The following NUDT5 variants were observed in gnomAD, a reference collection of about 807,000 sequenced individuals.
NUDT5 encodes the protein nudix hydrolase 5.
NUDT5 carries 21 observed loss-of-function variants against 34.1 expected under a neutral mutation model. That is an observed-to-expected ratio of 0.62 (90% confidence interval 0.44 to 0.89). The LOEUF (loss-of-function observed/expected upper bound fraction) is 0.89, where lower values mean the gene tolerates loss of function less well. Ranked by LOEUF, NUDT5 falls within the 40% of genes least tolerant of loss-of-function variation. NUDT5 has a pLI of 0.00. For missense variants in NUDT5, 249 were observed against 274.8 expected (o/e 0.91, Z 0.66); for synonymous variants, 85 against 97.6 (o/e 0.87, Z 0.76).
chr10:12,177,961 T>G (rs1588658056), intron 4 of NUDT5, 61 bp from the exon 5 acceptor site: 4 of 1,255,090 alleles, frequency 3.2e-6, no homozygotes, highest in South Asian at 2.4e-5. Flanking sequence ...GCCAGCACAT[T>G]GTTTAGAGCA....
In NUDT5 at chr10:12,172,883, C is replaced by G; in HGVS notation, c.386-17G>C. 2 of 1,548,498 alleles carry G rather than the reference C, an allele frequency of 1.3e-6. No homozygotes were observed. The highest frequency in any genetic ancestry group is 1.8e-6 in the Non-Finnish European group (2 of 1,120,802). On this transcript the variant is annotated splice_polypyrimidine_tract_variant and intron_variant, in intron 6 of 9. Transcript: ENST00000491614. ...TACAGACCGCTGTGGAGAGAAGGGACAGTCAGATGCGTCAGTCCCTTTGGC... is the reference window on the plus strand; with the variant it reads ...TACAGACCGCTGTGGAGAGAAGGGAGAGTCAGATGCGTCAGTCCCTTTGGC...
In NUDT5 at chr10:12,181,662, AG is replaced by A. The variant is rs1279739298; in HGVS notation, c.132-2531del. On this transcript the variant is annotated intron_variant, in intron 3 of 9. Coordinates refer to ENST00000491614, the MANE Select transcript of NUDT5 (RefSeq NM_014142.4). The surrounding 1 kb of genome is among the most constrained non-coding windows in gnomAD (Gnocchi z 5.0). The stretch of plus-strand genomic sequence containing the variant: ...TGACCCTCTGTGGGAGTACCTGCAG[AG>A]GGAAGTCGCCGTGTGCGTGCAAAGG... 1.3e-4 allele frequency among the ~76,000 whole-genome samples: 20 copies of A among 151,946 alleles called. No individual in the cohort carries two copies. The highest frequency in any genetic ancestry group is 2.9e-4 in the Non-Finnish European group (20 of 67,984).
intron 5 of NUDT5, among the ~76,000 whole-genome samples, chr10:12,176,212 TAAAA>T (rs564517126): frequency 1.4e-5 from 2 of 146,472 alleles, no homozygotes; most frequent in Non-Finnish European, 3.0e-5. Flanking sequence ...AATAAAAAAA[TAAAA>T]AAAAAGGTAA....
rs887260886 is a variant in NUDT5 at position 12,166,382 on chromosome 10, A to G, written c.*1320T>C. 6.3e-6 allele frequency: 1 copy of G among 158,748 alleles called. No individual in the cohort carries two copies. Among genetic ancestry groups the G allele is most frequent in the Non-Finnish European group, 1.4e-5 (1 of 71,720 alleles). The allele number at this position is 158,748 out of a possible 1,614,324, so 9.8% of individuals were successfully genotyped here. A position where few individuals can be genotyped will look rare whatever the true frequency, so the allele number is the denominator to read the frequency against. ...GTTAGAGGCATAGGGGAAGGCTACC[A>G]TTACAGGAAGTAGTTGGATCTTAAT... is the stretch of plus-strand genomic sequence containing the variant. On this transcript the variant is annotated 3_prime_UTR_variant, in exon 10 of 10. Transcript: ENST00000491614.
At chr10:12,179,507 C>T (rs1399058824) in intron 3 of NUDT5, among the ~76,000 whole-genome samples, 4 of 152,216 alleles carry the variant, frequency 2.6e-5, no homozygotes, top group Non-Finnish European at 4.4e-5. Flanking sequence ...TAGGAAAAGA[C>T]TCACCCCGTC....
Position 12,172,809 on chromosome 10 carries a change from A to G in NUDT5, c.443T>C (p.Ile148Thr). Reference sequence around the variant, plus strand: ...TGCGTTTTCGGCATCATCTCCGTTAATGGTGACTGTCACGATGTGTATAGT... The same window carrying G: ...TGCGTTTTCGGCATCATCTCCGTTAGTGGTGACTGTCACGATGTGTATAGT... ...NCTIHIVTVT[I>T]NGDDAENARP... The change falls in exon 7 of 10, where the codon ATT (isoleucine) becomes ACT (threonine). Residue 148 changes from isoleucine (I) to threonine (T), a missense_variant. Ile to Thr is a moderately conservative substitution (Grantham distance 89). Coordinates refer to ENST00000491614, the MANE Select transcript of NUDT5 (RefSeq NM_014142.4). The G allele has an allele frequency of 6.2e-7, 1 of 1,614,234 alleles. No homozygotes were observed. The highest frequency in any genetic ancestry group is 8.5e-7 in the Non-Finnish European group (1 of 1,180,042).
intron 7 of NUDT5, 108 bp downstream of exon 7, chr10:12,172,657 C>G: frequency 1.4e-6 from 1 of 712,552 alleles, no homozygotes; most frequent in South Asian, 1.7e-5. Context: ...TTTGAAAGAC[C>G]GATTCTTTCC....
At chr10:12,167,850 A>G (rs781672040) in intron 9 of NUDT5, 39 bp from the exon 10 acceptor site, 2 of 1,610,276 alleles carry the variant, frequency 1.2e-6, no homozygotes, top group Non-Finnish European at 1.7e-6. Flanking sequence ...TCATGCCGTT[A>G]AGGAAGGACA....
intron 2 of NUDT5, 86 bp from the exon 3 acceptor site, chr10:12,185,042 TC>T: frequency 1.4e-6 from 1 of 732,916 alleles, no homozygotes; most frequent in Non-Finnish European, 2.4e-6. Flanking sequence ...ATTTCCTCTG[TC>T]TTTCCCCAGA....
chr10:12,182,525 G>T lies in NUDT5; in HGVS notation c.131+2364C>A, dbSNP rs1008656273. 6.6e-6 allele frequency among the ~76,000 whole-genome samples: 1 copy of T among 152,114 alleles called. No homozygotes were observed. The highest frequency in any genetic ancestry group is 2.4e-5 in the African/African-American group (1 of 41,410). On this transcript the variant is annotated intron_variant, in intron 3 of 9. Transcript: ENST00000491614. This position sits in a 1 kb window ranked among gnomAD's most constrained non-coding sequence, Gnocchi z 4.3. ...GGCCAGGAAAAAAACCCTATGTATG[G>T]AAGAATGGACATGACCATGCTATAA... is the stretch of plus-strand genomic sequence containing the variant.
In NUDT5 at chr10:12,187,715, C is replaced by T. The variant is rs1037757367; in HGVS notation, c.-41-1383G>A. On this transcript the variant is annotated intron_variant, in intron 1 of 9. Transcript: ENST00000491614. The surrounding 1 kb of genome is among the most constrained non-coding windows in gnomAD (Gnocchi z 5.4). ...TCCTCTGGAAGCTTGTAGTTAGTCA[C>T]TTTCATGTCGATGTTATTGTACTGG... is the stretch of plus-strand genomic sequence containing the variant. 2.0e-5 allele frequency among the ~76,000 whole-genome samples: 3 copies of T among 152,148 alleles called. No homozygotes were observed. Among genetic ancestry groups the T allele is most frequent in the Non-Finnish European group, 4.4e-5 (3 of 68,022 alleles).
chr10:12,190,606 CTT>C lies in NUDT5; in HGVS notation c.-41-4276_-41-4275del, dbSNP rs1013405393. On this transcript the variant is annotated intron_variant, in intron 1 of 9. Coordinates refer to ENST00000491614, the MANE Select transcript of NUDT5 (RefSeq NM_014142.4). ...GAGGCAGTGAGGAAAATGATAAAGC[CTT>C]TTTTTTTTTTTTTTTTTTGAGACTG... Among the ~76,000 whole-genome samples, 331 of 127,910 alleles carry C rather than the reference CTT, an allele frequency of 2.6e-3. 1 individual carries two copies. Among genetic ancestry groups the C allele is most frequent in the African/African-American group, 8.3e-3 (275 of 33,148 alleles). The allele number at this position is 127,910 out of a possible 152,430, so 83.9% of individuals were successfully genotyped here.
In NUDT5 at chr10:12,173,656, A is replaced by AT; in HGVS notation, c.385+61dup. The stretch of plus-strand genomic sequence containing the variant: ...AATTCTGAGCGTAAAGAACACCCAA[A>AT]TAATCAATCCCTTCCCAGACGGAGG... On this transcript the variant is annotated intron_variant, in intron 6 of 9. Coordinates refer to ENST00000491614, the MANE Select transcript of NUDT5 (RefSeq NM_014142.4). This position sits in a 1 kb window ranked among gnomAD's most constrained non-coding sequence, Gnocchi z 4.7. The AT allele has an allele frequency of 8.0e-7, 1 of 1,255,556 alleles. No homozygotes were observed. The allele number at this position is 1,255,556 out of a possible 1,614,324, so 77.8% of individuals were successfully genotyped here.
chr10:12,193,088 T>C (rs1402058712), intron 1 of NUDT5, among the ~76,000 whole-genome samples: 1 of 151,986 alleles, frequency 6.6e-6, no homozygotes, highest in African/African-American at 2.4e-5. Context: ...TGAGCAAGAG[T>C]GAACTGACTG....
chr10:12,183,510 A>T (rs1185319151), intron 3 of NUDT5, among the ~76,000 whole-genome samples: 3 of 152,216 alleles, frequency 2.0e-5, no homozygotes, highest in African/African-American at 7.2e-5. Flanking sequence ...TTTCATCACA[A>T]AGAAATCATG....
At position 12,171,835 on chromosome 10, in the gene NUDT5, G is replaced by C. The variant is rs1011939029; in HGVS notation, c.488-927C>G. On this transcript the variant is annotated intron_variant, in intron 7 of 9. Coordinates refer to ENST00000491614, the MANE Select transcript of NUDT5 (RefSeq NM_014142.4). This position sits in a 1 kb window ranked among gnomAD's most constrained non-coding sequence, Gnocchi z 4.2. ...CGCCTCCTGGGTTCAAGTGATTCTTGTGTCTCAGCTTCCCGAGTAGCTGGG... is the reference window on the plus strand; with the variant it reads ...CGCCTCCTGGGTTCAAGTGATTCTTCTGTCTCAGCTTCCCGAGTAGCTGGG... Among the ~76,000 whole-genome samples the C allele has an allele frequency of 5.9e-5, 9 of 151,534 alleles. No individual in the cohort carries two copies. Among genetic ancestry groups the C allele is most frequent in the Non-Finnish European group, 1.3e-4 (9 of 67,930 alleles).
Position 12,173,018 on chromosome 10 carries a change from G to C in NUDT5, c.386-152C>G, listed in dbSNP as rs1588655436. 3.2e-6 allele frequency: 2 copies of C among 621,268 alleles called. No homozygotes were observed. The highest frequency in any genetic ancestry group is 5.5e-5 in the East Asian group (2 of 36,054). The allele number at this position is 621,268 out of a possible 1,614,324, so 38.5% of individuals were successfully genotyped here. On this transcript the variant is annotated intron_variant, in intron 6 of 9. Coordinates refer to ENST00000491614, the MANE Select transcript of NUDT5 (RefSeq NM_014142.4). The surrounding 1 kb of genome is among the most constrained non-coding windows in gnomAD (Gnocchi z 4.7). ...CATTTGGTAGGCAGATCTGCAGGCTGCAAAGCATCTGGGCACTCACACTCT... is the reference window on the plus strand; with the variant it reads ...CATTTGGTAGGCAGATCTGCAGGCTCCAAAGCATCTGGGCACTCACACTCT...
chr10:12,185,078 C>T, intron 2 of NUDT5, 122 bp from the exon 3 acceptor site: 1 of 581,322 alleles, frequency 1.7e-6, no homozygotes, highest in Non-Finnish European at 3.1e-6. Flanking sequence ...CTTTCCTTCC[C>T]AATAATCTGT....
At chr10:12,193,108 T>A (rs1835264136) in intron 1 of NUDT5, among the ~76,000 whole-genome samples, 1 of 152,178 alleles carries the variant, frequency 6.6e-6, no homozygotes, top group Non-Finnish European at 1.5e-5. Flanking sequence ...GTAATGACCC[T>A]TGGGAAGGTG....
Sources: allele counts gnomAD v4.1 joint callset (sites outside exome capture counted in the v4.1 genomes callset), GRCh38; gene constraint gnomAD v4.1.1; non-coding constraint Gnocchi (gnomAD v3.1); transcripts MANE v1.5; gene names NCBI Gene and HGNC (gene_info 2026-07-23, HGNC 2026-07-21).